SEMA3D: variants seen among roughly 807,000 people sequenced by gnomAD.
The protein encoded by SEMA3D is semaphorin 3D, also known as semaphorin-3D.
In SEMA3D, 84 loss-of-function variants were observed where a neutral mutation model predicts 100.1. That is an observed-to-expected ratio of 0.84 (90% CI 0.70 to 1.01). The LOEUF (loss-of-function observed/expected upper bound fraction) is 1.01, where lower values mean the gene tolerates loss of function less well. Ranked by LOEUF, SEMA3D falls within the 50% of genes least tolerant of loss-of-function variation. The probability of loss-of-function intolerance (pLI) is 0.00; values close to 1 mark genes in which losing one functional copy is unlikely to be tolerated. For missense variants in SEMA3D, 875 were observed against 934.1 expected (o/e 0.94, Z 0.82); for synonymous variants, 312 against 320.7 (o/e 0.97, Z 0.29).
chr7:85,146,366 C>G (rs932948036), intron 2 of SEMA3D, among the ~76,000 whole-genome samples: 4 of 151,698 alleles, frequency 2.6e-5, no homozygotes, highest in Non-Finnish European at 5.9e-5. Context: ...AGCAGCCTGG[C>G]CAACATGGTG....
the SEMA3D span, among the ~76,000 whole-genome samples, chr7:85,193,594 C>A: frequency 3.3e-5 from 5 of 152,012 alleles, no homozygotes; most frequent in Non-Finnish European, 7.4e-5. Flanking sequence ...TACCACTTTG[C>A]AAGTAGAAAA....
the SEMA3D span, among the ~76,000 whole-genome samples, chr7:85,222,672 T>G: frequency 6.6e-6 from 1 of 152,102 alleles, no homozygotes; most frequent in East Asian, 1.9e-4. Context: ...AACGAAGGCA[T>G]TGCCCTGCAC....
chr7:85,203,668 AT>A, the SEMA3D span, among the ~76,000 whole-genome samples: 1 of 152,122 alleles, frequency 6.6e-6, no homozygotes, highest in Non-Finnish European at 1.5e-5. Flanking sequence ...AAAATTTGCA[AT>A]TTTTCTGGAA....
At chr7:85,188,365 A>G (rs1791619059), upstream of SEMA3D, among the ~76,000 whole-genome samples, 1 of 152,212 alleles carries the variant, frequency 6.6e-6, no homozygotes, top group Middle Eastern at 3.2e-3. Flanking sequence ...CCCTCTTTGG[A>G]TAGAGAAAAA....
intron 3 of SEMA3D, among the ~76,000 whole-genome samples, chr7:85,113,766 T>C (rs1462389923): frequency 2.8e-5 from 1 of 35,454 alleles, no homozygotes; most frequent in East Asian, 9.7e-4. Flanking sequence ...TGATATTCTG[T>C]CTCAAAAAAA....
At chr7:85,137,532 T>A (rs1377758001) in intron 2 of SEMA3D, among the ~76,000 whole-genome samples, 1 of 151,968 alleles carries the variant, frequency 6.6e-6, no homozygotes, top group Admixed American at 6.6e-5. Flanking sequence ...TACGATTAAT[T>A]TTTCTACTCC....
intron 1 of SEMA3D, among the ~76,000 whole-genome samples, chr7:85,184,642 C>T (rs1791492152): frequency 6.6e-6 from 1 of 152,198 alleles, no homozygotes; most frequent in Non-Finnish European, 1.5e-5. Flanking sequence ...TAGGAACTTT[C>T]CATTTCACAA....
At chr7:85,216,348 A>ATAAGAGT in the SEMA3D span, among the ~76,000 whole-genome samples, 1 of 137,326 alleles carries the variant, frequency 7.3e-6, no homozygotes, top group Non-Finnish European at 1.5e-5. Context: ...TGTAACACAA[A>ATAAGAGT]TAAGAGTGTT....
At chr7:85,201,285 T>G in the SEMA3D span, among the ~76,000 whole-genome samples, 2 of 152,172 alleles carry the variant, frequency 1.3e-5, no homozygotes, top group African/African-American at 4.8e-5. Flanking sequence ...TTCTGAAAAC[T>G]ACTAGCTTTG....
intron 17 of SEMA3D, among the ~76,000 whole-genome samples, chr7:85,010,399 T>C (rs1376954046): frequency 6.6e-6 from 1 of 150,574 alleles, no homozygotes; most frequent in Non-Finnish European, 1.5e-5. Context: ...GGCTAGTAAG[T>C]GGGGTATACA....
At chr7:85,010,830 G>C (rs1460519599) in intron 17 of SEMA3D, among the ~76,000 whole-genome samples, 1 of 151,498 alleles carries the variant, frequency 6.6e-6, no homozygotes, top group Non-Finnish European at 1.5e-5. Context: ...CTATGAATTT[G>C]GGAGTGAAAT....
intron 18 of SEMA3D, among the ~76,000 whole-genome samples, chr7:85,000,221 T>A (rs568325868): frequency 6.6e-6 from 1 of 152,188 alleles, no homozygotes; most frequent in East Asian, 1.9e-4. Flanking sequence ...AGATTTCATA[T>A]ACAAATTACT....
At chr7:85,036,359 A>T (rs1299976236) in intron 12 of SEMA3D, among the ~76,000 whole-genome samples, 1 of 152,136 alleles carries the variant, frequency 6.6e-6, no homozygotes, top group Non-Finnish European at 1.5e-5. Flanking sequence ...TTTGAAAAAA[A>T]TTTTTGACTG....
intron 3 of SEMA3D, among the ~76,000 whole-genome samples, chr7:85,118,492 A>AT (rs1057316621): frequency 4.7e-5 from 7 of 148,054 alleles, no homozygotes; most frequent in East Asian, 1.9e-4. Flanking sequence ...AATTGTTGAG[A>AT]TTTTTTTCTG....
chr7:85,198,833 C>CTTT, the SEMA3D span, among the ~76,000 whole-genome samples: 4,399 of 131,626 alleles, frequency 0.033, 93 homozygotes, highest in South Asian at 0.076. Context: ...CTTTTTGCTC[C>CTTT]TTTTTTTTTT....
chr7:85,046,965 A>T (rs1791025895), intron 9 of SEMA3D, among the ~76,000 whole-genome samples: 1 of 151,906 alleles, frequency 6.6e-6, no homozygotes, highest in South Asian at 2.1e-4. Context: ...TTTATCATTC[A>T]CTTTTTGTAG....
chr7:85,190,776 T>G (rs1396082929), upstream of SEMA3D, among the ~76,000 whole-genome samples: 2 of 152,128 alleles, frequency 1.3e-5, no homozygotes, highest in South Asian at 4.1e-4. Context: ...TTAATTGGTA[T>G]GTAAAACTGT....
At chr7:85,226,544 C>A in the SEMA3D span, among the ~76,000 whole-genome samples, 1 of 152,090 alleles carries the variant, frequency 6.6e-6, no homozygotes, top group African/African-American at 2.4e-5. Context: ...GTTGTGGAAA[C>A]ACATTAGATA....
At chr7:85,194,726 G>C in the SEMA3D span, among the ~76,000 whole-genome samples, 1 of 152,110 alleles carries the variant, frequency 6.6e-6, no homozygotes, top group Non-Finnish European at 1.5e-5. Flanking sequence ...AGCTTAACAA[G>C]AGAAATTTAT....
Sources: gnomAD v4.1 joint callset for allele counts (sites outside exome capture counted in the v4.1 genomes callset) on GRCh38, gnomAD v4.1.1 for gene constraint, MANE v1.5 for transcripts, NCBI Gene and HGNC (gene_info 2026-07-23, HGNC 2026-07-21) for gene names.